DOCK4: variants seen among roughly 807,000 people sequenced by gnomAD.
The protein encoded by DOCK4 is dedicator of cytokinesis 4, also known as dedicator of cytokinesis protein 4.
In DOCK4, 97 loss-of-function variants were observed where a neutral mutation model predicts 268.1. The ratio of observed to expected loss-of-function variants is 0.36; its 90% CI spans 0.31 to 0.43. The LOEUF is 0.43. Ranked by LOEUF, DOCK4 falls within the 20% of genes least tolerant of loss-of-function variation. The probability of loss-of-function intolerance (pLI) is 1.00; values close to 1 mark genes in which losing one functional copy is unlikely to be tolerated. For synonymous variants in DOCK4, 954 were observed against 887.2 expected (o/e 1.08, Z -1.34); for missense variants, 2,145 against 2,455.7 (o/e 0.87, Z 2.67).
Position 112,075,231 on chromosome 7 carries a change from T to C in DOCK4, c.38-71100A>G, listed in dbSNP as rs151106947. ...AAGAAGGTATTCACCCAGGAGAAAG[T>C]ACCAACAACATATAAAATGCAGAGC... On this transcript the variant is annotated intron_variant, in intron 1 of 52. Coordinates refer to ENST00000428084, the MANE Select transcript of DOCK4 (RefSeq NM_001363540.2). Among the ~76,000 whole-genome samples, 802 of 152,284 alleles carry C rather than the reference T, an allele frequency of 5.3e-3. 5 individuals are homozygous for C. The highest frequency in any genetic ancestry group is 9.6e-3 in the Non-Finnish European group (651 of 68,018).
chr7:111,921,818 C>G (rs754492554), intron 12 of DOCK4, among the ~76,000 whole-genome samples: 3 of 152,210 alleles, frequency 2.0e-5, no homozygotes, highest in Non-Finnish European at 4.4e-5. Flanking sequence ...TCATTCCTCC[C>G]TACCATGAGT....
At chr7:112,022,160 T>C (rs1041418912) in intron 1 of DOCK4, among the ~76,000 whole-genome samples, 1 of 152,234 alleles carries the variant, frequency 6.6e-6, no homozygotes, top group Non-Finnish European at 1.5e-5. Context: ...TAGGAAATGC[T>C]GTGGTATGTG....
intron 23 of DOCK4, among the ~76,000 whole-genome samples, chr7:111,862,344 G>T (rs988868992): frequency 6.6e-6 from 1 of 151,724 alleles, no homozygotes; most frequent in Non-Finnish European, 1.5e-5. Flanking sequence ...ATTTGTTAAT[G>T]ATTTGCCATT....
At chr7:112,018,143 CAAAA>C (rs140883588) in intron 1 of DOCK4, among the ~76,000 whole-genome samples, 4,587 of 20,556 alleles carry the variant, frequency 0.22, 1,122 homozygotes, top group South Asian at 0.32. Context: ...GACTCCAGCT[CAAAA>C]AAAAAAAAAA....
intron 42 of DOCK4, among the ~76,000 whole-genome samples, chr7:111,751,630 C>T (rs1342646132): frequency 1.3e-5 from 2 of 152,040 alleles, no homozygotes; most frequent in African/African-American, 2.4e-5. Context: ...TTTTTTGTAG[C>T]GACAGGGTTT....
At chr7:111,962,351 G>A (rs977175324) in intron 8 of DOCK4, among the ~76,000 whole-genome samples, 8 of 152,238 alleles carry the variant, frequency 5.3e-5, no homozygotes, top group East Asian at 1.9e-4. Context: ...CCAATTATCA[G>A]GTAGAAAGTA....
chr7:111,964,485 T>C (rs1349205057), intron 8 of DOCK4, among the ~76,000 whole-genome samples: 50 of 98,892 alleles, frequency 5.1e-4, no homozygotes, highest in African/African-American at 1.9e-3. Flanking sequence ...TGAAATGAAG[T>C]GAGAAGGGAA....
At chr7:111,872,390 ACTAT>A (rs1369771842) in intron 18 of DOCK4, 38 bp from the exon 19 acceptor site, 4 of 1,525,364 alleles carry the variant, frequency 2.6e-6, no homozygotes, top group South Asian at 2.5e-5. Flanking sequence ...TAAATAAGAT[ACTAT>A]CTGTCTTTTT....
intron 32 of DOCK4, among the ~76,000 whole-genome samples, chr7:111,787,577 A>G (rs1563504332): frequency 6.6e-6 from 1 of 152,186 alleles, no homozygotes; most frequent in African/African-American, 2.4e-5. Context: ...AAAAGCTTCA[A>G]GATAATTTTT....
intron 26 of DOCK4, among the ~76,000 whole-genome samples, chr7:111,822,939 T>G (rs1802104813): frequency 6.6e-6 from 1 of 152,332 alleles, no homozygotes; most frequent in Non-Finnish European, 1.5e-5. Context: ...TTACAGGGCA[T>G]TCTTGAGATG....
At chr7:112,016,087 T>C (rs377354292) in intron 1 of DOCK4, among the ~76,000 whole-genome samples, 21 of 152,376 alleles carry the variant, frequency 1.4e-4, no homozygotes, top group African/African-American at 4.8e-4. Flanking sequence ...ACTTATACTA[T>C]TAACTATTCT....
At chr7:111,944,960 G>A (rs182059686) in intron 9 of DOCK4, 89 bp from the exon 10 acceptor site, 58 of 1,016,406 alleles carry the variant, frequency 5.7e-5, no homozygotes, top group Non-Finnish European at 8.1e-5. Context: ...AAAGAAGAAA[G>A]AGATGGACAC....
chr7:112,081,887 C>T lies in DOCK4; in HGVS notation c.38-77756G>A, dbSNP rs193064532. ...AAAAGAGGAAGATCACAGAGTAATG[C>T]GCAAGATCTCCTAGTGCTCATGAGT... On this transcript the variant is annotated intron_variant, in intron 1 of 52. Coordinates refer to ENST00000428084, the MANE Select transcript of DOCK4 (RefSeq NM_001363540.2). Among the ~76,000 whole-genome samples, 115 of 152,198 alleles carry T rather than the reference C, an allele frequency of 7.6e-4. 1 individual carries two copies. In the South Asian group the frequency reaches 8.7e-3, roughly 12 times the overall value.
At chr7:111,738,659 C>T (rs763720930) in intron 49 of DOCK4, among the ~76,000 whole-genome samples, 8 of 152,146 alleles carry the variant, frequency 5.3e-5, no homozygotes, top group African/African-American at 9.7e-5. Flanking sequence ...GGCTCAGGGC[C>T]GGGAGTGGTG....
intron 12 of DOCK4, among the ~76,000 whole-genome samples, chr7:111,922,055 T>C (rs1793181425): frequency 1.3e-5 from 2 of 152,190 alleles, no homozygotes; most frequent in Non-Finnish European, 2.9e-5. Context: ...AGACGATAAG[T>C]ACAATTAGAC....
At chr7:111,732,315 C>CAATT (rs1490606305) in intron 51 of DOCK4, 28 bp from the exon 52 acceptor site, 1 of 1,612,376 alleles carries the variant, frequency 6.2e-7, no homozygotes, top group East Asian at 2.2e-5. Flanking sequence ...GATAACATTT[C>CAATT]AATTAAGAAA....
rs532071820 is a variant in DOCK4, at chr7:112,140,328, C to T, written c.37+65774G>A. Among the ~76,000 whole-genome samples, 5 of 152,290 alleles carry T rather than the reference C, an allele frequency of 3.3e-5. No homozygotes were observed. The East Asian group carries it at 9.7e-4, about 29-fold the overall frequency. The stretch of plus-strand genomic sequence containing the variant: ...GACCTTGTTCTTCACTCTAGTGCAG[C>T]AATGTCCAGACCACACCCAGAGCTG... On this transcript the variant is annotated intron_variant, in intron 1 of 52. Transcript: ENST00000428084.
chr7:112,146,468 A>G (rs1390467950), intron 1 of DOCK4, among the ~76,000 whole-genome samples: 1 of 152,232 alleles, frequency 6.6e-6, no homozygotes, highest in African/African-American at 2.4e-5. Flanking sequence ...GCAGTGGCTC[A>G]TGCCTGTAAT....
At chr7:111,812,838 G>C (rs1209623502) in intron 27 of DOCK4, among the ~76,000 whole-genome samples, 1 of 152,182 alleles carries the variant, frequency 6.6e-6, no homozygotes, top group African/African-American at 2.4e-5. Flanking sequence ...GAAACCGACA[G>C]TGTTACAGAC....
Sources: gnomAD v4.1 joint callset for allele counts (sites outside exome capture counted in the v4.1 genomes callset) on GRCh38, gnomAD v4.1.1 for gene constraint, MANE v1.5 for transcripts, NCBI Gene and HGNC (gene_info 2026-07-23, HGNC 2026-07-21) for gene names.